The following CLIC4 variants were observed in gnomAD, a reference collection of about 807,000 sequenced individuals.
CLIC4 encodes chloride intracellular channel protein 4.
A neutral mutation model predicts 24.6 loss-of-function variants in CLIC4; 13 were observed. The observed-to-expected ratio is 0.53, with a 90% CI of 0.34 to 0.84. CLIC4 has a LOEUF of 0.84. Ranked by LOEUF, CLIC4 falls within the 40% of genes least tolerant of loss-of-function variation. CLIC4 has a pLI of 0.01. For synonymous variants in CLIC4, 104 were observed against 111.3 expected (o/e 0.93, Z 0.41); for missense variants, 227 against 301.7 (o/e 0.75, Z 1.83).
At chr1:24,796,120 T>A (rs1473819264) in intron 1 of CLIC4, among the ~76,000 whole-genome samples, 1 of 152,228 alleles carries the variant, frequency 6.6e-6, no homozygotes, top group Non-Finnish European at 1.5e-5. Flanking sequence ...ATTGTTTATG[T>A]TTTAAATTAT....
chr1:24,799,369 G>T (rs999550545), intron 2 of CLIC4, among the ~76,000 whole-genome samples: 23 of 151,558 alleles, frequency 1.5e-4, no homozygotes, highest in African/African-American at 4.8e-4. Flanking sequence ...GAGCGTCTCT[G>T]TCCGGCCGCC....
chr1:24,767,024 TAAA>T (rs34142565), intron 1 of CLIC4, among the ~76,000 whole-genome samples: 11 of 71,072 alleles, frequency 1.5e-4, no homozygotes, highest in Non-Finnish European at 2.3e-4. Context: ...GCTGATGAGC[TAAA>T]AAAAAAAAAA....
chr1:24,745,902 G>T (rs1275859431), intron 1 of CLIC4, among the ~76,000 whole-genome samples: 21 of 151,014 alleles, frequency 1.4e-4, no homozygotes, highest in Admixed American at 9.2e-4. Context: ...CGCCCGGGTG[G>T]GTCGGGAAGA....
At chr1:24,813,045 TC>T (rs374988023) in intron 2 of CLIC4, among the ~76,000 whole-genome samples, 39,737 of 130,004 alleles carry the variant, frequency 0.31, 7,008 homozygotes, top group Middle Eastern at 0.5. Context: ...TTTCTTTCTT[TC>T]TTTTTTTTTT....
At chr1:24,779,432 T>C (rs1162588795) in intron 1 of CLIC4, among the ~76,000 whole-genome samples, 1 of 152,304 alleles carries the variant, frequency 6.6e-6, no homozygotes, top group East Asian at 1.9e-4. Flanking sequence ...ATTGCGCCAC[T>C]GTACTCCAGC....
At chr1:24,778,929 A>G (rs970429250) in intron 1 of CLIC4, among the ~76,000 whole-genome samples, 2 of 152,226 alleles carry the variant, frequency 1.3e-5, no homozygotes, top group African/African-American at 2.4e-5. Context: ...AAGTACTCAA[A>G]AGAAACTCAC....
At chr1:24,839,568 G>A (rs1639920522) in intron 4 of CLIC4, among the ~76,000 whole-genome samples, 2 of 152,146 alleles carry the variant, frequency 1.3e-5, no homozygotes, top group Admixed American at 6.5e-5. Flanking sequence ...CAAAGTGCTG[G>A]GATTACAGGC....
chr1:24,803,023 T>G (rs753920085), intron 2 of CLIC4, among the ~76,000 whole-genome samples: 2 of 152,164 alleles, frequency 1.3e-5, no homozygotes, highest in Non-Finnish European at 2.9e-5. Flanking sequence ...CCAAATCTTT[T>G]CTATGAGTTT....
intron 1 of CLIC4, among the ~76,000 whole-genome samples, chr1:24,754,855 T>G (rs1463909717): frequency 6.6e-6 from 1 of 152,056 alleles, no homozygotes; most frequent in East Asian, 1.9e-4. Context: ...GTGGATCGCC[T>G]GAGGTCAGGA....
chr1:24,806,281 G>C (rs1025874690), intron 2 of CLIC4, among the ~76,000 whole-genome samples: 2 of 152,180 alleles, frequency 1.3e-5, no homozygotes, highest in Non-Finnish European at 2.9e-5. Flanking sequence ...AGGCCTGAGA[G>C]GGCAGGTGAG....
chr1:24,754,013 C>T (rs1638811444), intron 1 of CLIC4, among the ~76,000 whole-genome samples: 1 of 152,088 alleles, frequency 6.6e-6, no homozygotes, highest in South Asian at 2.1e-4. Context: ...AATTGATTTG[C>T]CATTCATTTG....
intron 3 of CLIC4, among the ~76,000 whole-genome samples, chr1:24,825,096 T>C (rs760481585): frequency 6.6e-6 from 1 of 151,604 alleles, no homozygotes; most frequent in Admixed American, 6.6e-5. Context: ...TTACAAGAAT[T>C]ACACTGTATG....
intron 1 of CLIC4, among the ~76,000 whole-genome samples, chr1:24,788,416 A>G (rs1184230421): frequency 6.6e-6 from 1 of 152,170 alleles, no homozygotes; most frequent in Admixed American, 6.5e-5. Context: ...GAATTTGCCT[A>G]TTTTGGACAT....
intron 3 of CLIC4, among the ~76,000 whole-genome samples, chr1:24,823,166 G>C (rs1557813179): frequency 6.6e-6 from 1 of 152,182 alleles, no homozygotes; most frequent in African/African-American, 2.4e-5. Context: ...ATAAATACAG[G>C]CAATTGTCTA....
chr1:24,769,343 A>G (rs1473438398), intron 1 of CLIC4, among the ~76,000 whole-genome samples: 1 of 152,218 alleles, frequency 6.6e-6, no homozygotes, highest in East Asian at 1.9e-4. Flanking sequence ...GGTGCTTACT[A>G]TGGGCCAGGC....
At chr1:24,797,207 C>CTGGA (rs1639414979) in intron 1 of CLIC4, among the ~76,000 whole-genome samples, 1 of 151,598 alleles carries the variant, frequency 6.6e-6, no homozygotes, top group Non-Finnish European at 1.5e-5. Flanking sequence ...CTGCCTCAGC[C>CTGGA]TCCCAAAGTG....
At chr1:24,806,129 G>A (rs754457611) in intron 2 of CLIC4, among the ~76,000 whole-genome samples, 2 of 152,154 alleles carry the variant, frequency 1.3e-5, no homozygotes, top group African/African-American at 2.4e-5. Context: ...AGGCCTTTTT[G>A]GAAGTAAACC....
chr1:24,796,601 G>T (rs1001511061), intron 1 of CLIC4, among the ~76,000 whole-genome samples: 1 of 152,142 alleles, frequency 6.6e-6, no homozygotes, highest in African/African-American at 2.4e-5. Context: ...TGCTGTACAG[G>T]TTTGTAGCCT....
chr1:24,745,574 G>C lies in CLIC4; in HGVS notation c.21G>C (p.Leu7=). The C allele has an allele frequency of 6.3e-7, 1 of 1,592,810 alleles. No homozygotes were observed. MALSMP[L]NGLKEEDKEP... ...CGGCCATGGCGTTGTCGATGCCGCT[G>C]AATGGGCTGAAGGAGGAGGACAAAG... The change falls in exon 1 of 6, where the codon CTG becomes CTC. Residue 7 remains leucine (L), a synonymous_variant. Transcript: ENST00000374379.
Sources: allele counts gnomAD v4.1 joint callset (sites outside exome capture counted in the v4.1 genomes callset), GRCh38; gene constraint gnomAD v4.1.1; transcripts MANE v1.5; gene names NCBI Gene and HGNC (gene_info 2026-07-23, HGNC 2026-07-21).